The following MACROD2 variants were observed in gnomAD, a reference collection of about 807,000 sequenced individuals.
The protein encoded by MACROD2 is ADP-ribose glycohydrolase MACROD2.
In MACROD2, 36 loss-of-function variants were observed where a neutral mutation model predicts 70.4. The ratio of observed to expected loss-of-function variants is 0.51; its 90% CI spans 0.39 to 0.68. MACROD2 has a LOEUF of 0.68. Ranked by LOEUF, MACROD2 falls within the 30% of genes least tolerant of loss-of-function variation. MACROD2 has a pLI of 0.00. For synonymous variants in MACROD2, 172 were observed against 178.8 expected, an observed-to-expected ratio of 0.96 and a Z score of 0.30; for missense variants, 496 against 538.4, an observed-to-expected ratio of 0.92 and a Z score of 0.78.
At chr20:16,003,513 A>G (rs1431394816) in intron 15 of MACROD2, among the ~76,000 whole-genome samples, 1 of 152,202 alleles carries the variant, frequency 6.6e-6, no homozygotes, top group Non-Finnish European at 1.5e-5. Context: ...TTAGTCTGCC[A>G]GTAACCCTAG....
chr20:14,561,984 AT>A (rs11477523), intron 4 of MACROD2, among the ~76,000 whole-genome samples: 99,473 of 151,476 alleles, frequency 0.66, 33,865 homozygotes, highest in East Asian at 0.93. Context: ...TAATCTTTTT[AT>A]TTTTTTTAAC....
intron 8 of MACROD2, among the ~76,000 whole-genome samples, chr20:15,789,309 G>C (rs2051981965): frequency 2.0e-5 from 3 of 152,196 alleles, no homozygotes; most frequent in African/African-American, 7.2e-5. Context: ...TTCAGAGTCA[G>C]TGTATGAGAC....
At chr20:14,785,241 C>T (rs1568794266) in intron 5 of MACROD2, among the ~76,000 whole-genome samples, 3 of 152,040 alleles carry the variant, frequency 2.0e-5, no homozygotes, top group South Asian at 4.2e-4. Flanking sequence ...GGAGTCTGGG[C>T]TGACTCTGAA....
At chr20:14,795,881 C>T (rs898112027) in intron 5 of MACROD2, among the ~76,000 whole-genome samples, 3 of 151,872 alleles carry the variant, frequency 2.0e-5, no homozygotes, top group East Asian at 1.9e-4. Flanking sequence ...CCAGGAGAGA[C>T]GATTGGTGCA....
chr20:14,020,522 CTTGT>C (rs2053061410), intron 2 of MACROD2, among the ~76,000 whole-genome samples: 1 of 152,126 alleles, frequency 6.6e-6, no homozygotes, highest in Non-Finnish European at 1.5e-5. Context: ...ATTGTCTGGG[CTTGT>C]TTGTCATCTT....
At chr20:15,281,765 G>A (rs1224910116) in intron 6 of MACROD2, among the ~76,000 whole-genome samples, 1 of 152,126 alleles carries the variant, frequency 6.6e-6, no homozygotes, top group African/African-American at 2.4e-5. Context: ...TACCATTCTG[G>A]GGTCTGGAGA....
chr20:15,358,758 C>T (rs558735340), intron 6 of MACROD2, among the ~76,000 whole-genome samples: 5 of 151,840 alleles, frequency 3.3e-5, no homozygotes, highest in Admixed American at 1.3e-4. Context: ...GGCCTGCAGA[C>T]GGTTGACTTC....
rs2082111911 is a variant in MACROD2, at chr20:14,262,854, G to A, written c.271+177126G>A. Among the ~76,000 whole-genome samples the A allele has an allele frequency of 2.6e-5, 4 of 152,322 alleles. No homozygotes were observed. In the East Asian group the frequency reaches 5.8e-4, roughly 22 times the overall value. On this transcript the variant is annotated intron_variant, in intron 3 of 17. Coordinates refer to ENST00000684519, the MANE Select transcript of MACROD2 (RefSeq NM_001351661.2). The stretch of plus-strand genomic sequence containing the variant: ...GCAATCTTTTTTGAGAATAGAGTGA[G>A]GAGGTAGGCCAAGGTATGATTGTAG...
intron 4 of MACROD2, among the ~76,000 whole-genome samples, chr20:14,646,306 A>G (rs78801866): frequency 0.013 from 1,960 of 152,128 alleles, 37 homozygotes; most frequent in African/African-American, 0.045. Context: ...ACAACTCATA[A>G]AAGCACTTAT....
chr20:15,215,041 T>C (rs1288663563), intron 5 of MACROD2, among the ~76,000 whole-genome samples: 1 of 152,176 alleles, frequency 6.6e-6, no homozygotes, highest in Non-Finnish European at 1.5e-5. Context: ...ATTAGGTATC[T>C]AAAAACAACT....
At chr20:14,681,543 G>T (rs919714259) in intron 4 of MACROD2, among the ~76,000 whole-genome samples, 2 of 152,158 alleles carry the variant, frequency 1.3e-5, no homozygotes, top group African/African-American at 4.8e-5. Flanking sequence ...AGGTAAAACA[G>T]TTCTGGTGAT....
chr20:14,118,203 G>A (rs2148690009), intron 3 of MACROD2, among the ~76,000 whole-genome samples: 1 of 152,248 alleles, frequency 6.6e-6, no homozygotes, highest in South Asian at 2.1e-4. Context: ...CTTGCTATAA[G>A]TTTTGTTTGT....
intron 13 of MACROD2, among the ~76,000 whole-genome samples, chr20:15,983,639 T>C (rs2147459701): frequency 6.6e-6 from 1 of 152,270 alleles, no homozygotes; most frequent in Non-Finnish European, 1.5e-5. Flanking sequence ...CTTGGCATGA[T>C]TTATTACTCC....
At chr20:15,934,674 T>G (rs995283727) in intron 11 of MACROD2, among the ~76,000 whole-genome samples, 1 of 151,890 alleles carries the variant, frequency 6.6e-6, no homozygotes, top group African/African-American at 2.4e-5. Flanking sequence ...CTGTTTTTTT[T>G]GTTTGTTTTT....
intron 15 of MACROD2, among the ~76,000 whole-genome samples, chr20:16,013,661 T>C (rs2066893469): frequency 6.6e-6 from 1 of 152,194 alleles, no homozygotes; most frequent in African/African-American, 2.4e-5. Flanking sequence ...AGTAAGTAAA[T>C]GGCCTACCAC....
rs577725630 is a variant in MACROD2 at position 14,578,860 on chromosome 20, C to T, written c.301+85352C>T. 3.3e-5 allele frequency among the ~76,000 whole-genome samples: 5 copies of T among 152,228 alleles called. No homozygotes were observed. In the Middle Eastern group the frequency reaches 0.01, roughly 311 times the overall value. ...AGCTTTGCTATTTTACAGGGAGGAG[C>T]GTGTGACTCTGGTTTATGTGACTTT... On this transcript the variant is annotated intron_variant, in intron 4 of 17. Transcript: ENST00000684519.
chr20:15,815,326 C>T lies in MACROD2; in HGVS notation c.646-47419C>T, dbSNP rs114083573. Among the ~76,000 whole-genome samples the T allele has an allele frequency of 3.0e-3, 456 of 152,128 alleles. 1 individual carries two copies. The highest frequency in any genetic ancestry group is 0.01 in the African/African-American group (416 of 41,516). On this transcript the variant is annotated intron_variant, in intron 8 of 17. Transcript: ENST00000684519. ...CCTTAAAGCTTAAAGGATAAAGAAC[C>T]CAGTGGGTTTTCGTTTTGTTATATG...
rs62195573 is a variant in MACROD2 at position 15,551,675 on chromosome 20, C to A, written c.645+51828C>A. Among the ~76,000 whole-genome samples the A allele has an allele frequency of 2.0e-5, 3 of 151,856 alleles. No individual in the cohort carries two copies. In the East Asian group the frequency reaches 5.8e-4, roughly 29 times the overall value. Reference sequence around the variant, plus strand: ...GGGTGCATCAGGAGTTAGAGACCAGCCTGGGCAACATGGCGGAACCCCGTC... The same window carrying A: ...GGGTGCATCAGGAGTTAGAGACCAGACTGGGCAACATGGCGGAACCCCGTC... On this transcript the variant is annotated intron_variant, in intron 8 of 17. Coordinates refer to ENST00000684519, the MANE Select transcript of MACROD2 (RefSeq NM_001351661.2).
At chr20:15,535,336 C>G (rs758810449) in intron 8 of MACROD2, among the ~76,000 whole-genome samples, 18 of 151,986 alleles carry the variant, frequency 1.2e-4, no homozygotes, top group Non-Finnish European at 2.2e-4. Context: ...CCTTTTATTC[C>G]CACAGCAGTG....
Sources: allele counts gnomAD v4.1 joint callset (sites outside exome capture counted in the v4.1 genomes callset), GRCh38; gene constraint gnomAD v4.1.1; transcripts MANE v1.5; gene names NCBI Gene and HGNC (gene_info 2026-07-23, HGNC 2026-07-21).